TBC1D14: variants seen among roughly 807,000 people sequenced by gnomAD.
The protein encoded by TBC1D14 is TBC1 domain family, member 14.
TBC1D14 carries 26 observed loss-of-function variants against 79.0 expected under a neutral mutation model. That is an observed-to-expected ratio of 0.33 (90% CI 0.24 to 0.46). TBC1D14 has a LOEUF of 0.46. TBC1D14 is among the 20% of genes least tolerant of loss of function. The pLI, the probability that TBC1D14 is intolerant of heterozygous loss-of-function variation, is 1.00. For synonymous variants in TBC1D14, 394 were observed against 349.9 expected (o/e 1.13, Z -1.40); for missense variants, 769 against 887.6 (o/e 0.87, Z 1.70).
At chr4:6,914,803 G>C (rs767370703) in intron 1 of TBC1D14, among the ~76,000 whole-genome samples, 3 of 152,222 alleles carry the variant, frequency 2.0e-5, no homozygotes, top group Non-Finnish European at 4.4e-5. Flanking sequence ...ACTTTGGGAG[G>C]CTGAGGCAGG....
At chr4:6,953,323 A>G (rs1714253718) in intron 2 of TBC1D14, among the ~76,000 whole-genome samples, 1 of 132,622 alleles carries the variant, frequency 7.5e-6, no homozygotes, top group South Asian at 2.8e-4. Context: ...ACGCCCAGCC[A>G]TAAGAATAGA....
rs1717789168 is a variant in TBC1D14, at chr4:6,986,039, CGT to C, written c.844-8143_844-8142del. ...TTTTCATCACCCAAAAAAGTTCCTTCGTGCCTGTTTGCAGTTGATCCCACTCT... is the reference window on the plus strand; with the variant it reads ...TTTTCATCACCCAAAAAAGTTCCTTCGCCTGTTTGCAGTTGATCCCACTCT... On this transcript the variant is annotated intron_variant, in intron 3 of 13. Transcript: ENST00000409757. 1.1e-4 allele frequency among the ~76,000 whole-genome samples: 16 copies of C among 152,316 alleles called. No individual in the cohort carries two copies. In the South Asian group the frequency reaches 3.3e-3, roughly 32 times the overall value.
At position 7,032,045 on chromosome 4, in the gene TBC1D14, C is replaced by G. The variant is rs1001729388; in HGVS notation, c.*1653C>G. 1 of 152,486 alleles carries G rather than the reference C, an allele frequency of 6.6e-6. No individual in the cohort carries two copies. The highest frequency in any genetic ancestry group is 2.4e-5 in the African/African-American group (1 of 41,454). The allele number at this position is 152,486 out of a possible 1,614,324, so 9.4% of individuals were successfully genotyped here. A position where few individuals can be genotyped will look rare whatever the true frequency, so the allele number is the denominator to read the frequency against. On this transcript the variant is annotated 3_prime_UTR_variant, in exon 14 of 14. Coordinates refer to ENST00000409757, the MANE Select transcript of TBC1D14 (RefSeq NM_020773.3). ...TGTGTCACGTTTCCCGGACTCTGCC[C>G]CTACATCTCAGCTGAATCTCCAGGG...
At chr4:6,924,625 C>T (rs905468766) in intron 2 of TBC1D14, among the ~76,000 whole-genome samples, 2 of 150,100 alleles carry the variant, frequency 1.3e-5, no homozygotes, top group Admixed American at 6.7e-5. Context: ...GAGGTGTGTG[C>T]TCTGCTGCAC....
chr4:7,028,391 G>T (rs570235722), intron 13 of TBC1D14, among the ~76,000 whole-genome samples: 4 of 152,122 alleles, frequency 2.6e-5, no homozygotes, highest in Non-Finnish European at 5.9e-5. Context: ...TGATGGGGGT[G>T]GGGGGCTTGG....
chr4:6,956,133 C>T (rs1714611568), intron 2 of TBC1D14, among the ~76,000 whole-genome samples: 1 of 152,106 alleles, frequency 6.6e-6, no homozygotes, highest in African/African-American at 2.4e-5. Context: ...GATCATAGCC[C>T]CCCGACTTGT....
At chr4:7,028,826 T>G (rs764354318) in intron 13 of TBC1D14, among the ~76,000 whole-genome samples, 1 of 151,950 alleles carries the variant, frequency 6.6e-6, no homozygotes, top group Non-Finnish European at 1.5e-5. Context: ...TGGTGAGCTT[T>G]CTTTTTCTTT....
At chr4:7,020,913 A>T (rs1236118743) in intron 12 of TBC1D14, among the ~76,000 whole-genome samples, 2 of 152,166 alleles carry the variant, frequency 1.3e-5, no homozygotes, top group Admixed American at 6.5e-5. Flanking sequence ...GGAAAAGACG[A>T]TTGTACCTCC....
At chr4:6,931,259 T>C (rs28523495) in intron 2 of TBC1D14, among the ~76,000 whole-genome samples, 87,533 of 152,020 alleles carry the variant, frequency 0.58, 25,459 homozygotes, top group East Asian at 0.67. Flanking sequence ...AATTCCCTGG[T>C]TGTGTGTTTT....
chr4:6,942,772 C>T (rs1264320693), intron 2 of TBC1D14, among the ~76,000 whole-genome samples: 1 of 152,148 alleles, frequency 6.6e-6, no homozygotes, highest in Non-Finnish European at 1.5e-5. Context: ...GGTGAGGGGC[C>T]AGTGGGTGGG....
Position 7,025,059 on chromosome 4 carries a change from G to C in TBC1D14, c.1813G>C (p.Asp605His), listed in dbSNP as rs753505446. The C allele has an allele frequency of 6.2e-7, 1 of 1,614,180 alleles. No homozygotes were observed. The highest frequency in any genetic ancestry group is 8.5e-7 in the Non-Finnish European group (1 of 1,180,040). Reference sequence around the variant, plus strand: ...CCTCGACCTGGCCTGTCGTATCTGGGACGTGTTCTGTCGCGATGGGGAAGA... The same window carrying C: ...CCTCGACCTGGCCTGTCGTATCTGGCACGTGTTCTGTCGCGATGGGGAAGA... The part of the protein sequence containing the change: ...LPLDLACRIW[D>H]VFCRDGEEFL... Residue 605 changes from aspartate to histidine, a missense_variant, in exon 13 of 14, where the codon GAC becomes CAC. Transcript: ENST00000409757.
intron 2 of TBC1D14, among the ~76,000 whole-genome samples, chr4:6,964,069 T>A (rs935535926): frequency 6.6e-6 from 1 of 152,210 alleles, no homozygotes; most frequent in Non-Finnish European, 1.5e-5. Flanking sequence ...GTACTGGGAT[T>A]ACAGGTGTGA....
chr4:7,011,650 G>A (rs1720787102), intron 11 of TBC1D14, among the ~76,000 whole-genome samples: 1 of 151,882 alleles, frequency 6.6e-6, no homozygotes, highest in African/African-American at 2.4e-5. Context: ...TCCGCTTCCT[G>A]GGTTCAAGCA....
chr4:6,987,550 G>A (rs1250450064), intron 3 of TBC1D14: 2 of 424,500 alleles, frequency 4.7e-6, no homozygotes, highest in African/African-American at 2.0e-5. Context: ...TGCTGCTGAT[G>A]CGCTCTCCTC....
At chr4:7,002,987 C>T (rs1232075172) in intron 7 of TBC1D14, among the ~76,000 whole-genome samples, 1 of 152,178 alleles carries the variant, frequency 6.6e-6, no homozygotes, top group Non-Finnish European at 1.5e-5. Flanking sequence ...ATCCTAGGCC[C>T]AGGCTAATCC....
At chr4:6,993,062 C>T (rs1212867601) in intron 3 of TBC1D14, among the ~76,000 whole-genome samples, 3 of 152,128 alleles carry the variant, frequency 2.0e-5, no homozygotes, top group African/African-American at 7.2e-5. Context: ...AATTGCTTGC[C>T]GCATAATTTC....
intron 1 of TBC1D14, among the ~76,000 whole-genome samples, chr4:6,912,777 C>T (rs1241801259): frequency 6.6e-6 from 1 of 152,188 alleles, no homozygotes; most frequent in African/African-American, 2.4e-5. Context: ...TGGATTTCTT[C>T]CCCTAATCTT....
intron 13 of TBC1D14, among the ~76,000 whole-genome samples, chr4:7,029,206 G>A (rs527249400): frequency 3.9e-5 from 6 of 152,330 alleles, no homozygotes; most frequent in Admixed American, 3.9e-4. Context: ...CAAGATGCAG[G>A]GGGACTTTAT....
chr4:6,927,381 T>C (rs999172092), intron 2 of TBC1D14, among the ~76,000 whole-genome samples: 1 of 152,128 alleles, frequency 6.6e-6, no homozygotes, highest in Admixed American at 6.6e-5. Flanking sequence ...ATTTAATCGC[T>C]GTGGGCCTTG....
Sources: gnomAD v4.1 joint callset for allele counts (sites outside exome capture counted in the v4.1 genomes callset) on GRCh38, gnomAD v4.1.1 for gene constraint, MANE v1.5 for transcripts, NCBI Gene and HGNC (gene_info 2026-07-23, HGNC 2026-07-21) for gene names.